The following HSD17B3 variants were observed in gnomAD, a reference collection of about 807,000 sequenced individuals.
HSD17B3 encodes 17-beta-hydroxysteroid dehydrogenase type 3.
A neutral mutation model predicts 41.1 loss-of-function variants in HSD17B3; 29 were observed. The observed-to-expected ratio is 0.71, with a 90% CI of 0.53 to 0.96. The LOEUF (loss-of-function observed/expected upper bound fraction) is 0.96. HSD17B3 is among the 40% of genes least tolerant of loss of function. The pLI is 0.00. For synonymous variants in HSD17B3, 126 were observed against 145.6 expected (o/e 0.87, Z 0.97); for missense variants, 323 against 374.6 (o/e 0.86, Z 1.14).
chr9:96,261,169 A>T (rs1185017649), intron 2 of HSD17B3, among the ~76,000 whole-genome samples: 3 of 151,778 alleles, frequency 2.0e-5, no homozygotes, highest in African/African-American at 7.3e-5. Flanking sequence ...TCTAATGAGC[A>T]GGAGATTGTT....
intron 5 of HSD17B3, chr9:96,250,419 C>T (rs796689308): frequency 2.8e-6 from 3 of 1,067,314 alleles, no homozygotes; most frequent in Non-Finnish European, 2.3e-6. Context: ...TGTGCAGCAG[C>T]GCCCAAGCAG....
intron 2 of HSD17B3, among the ~76,000 whole-genome samples, chr9:96,286,997 C>A (rs191859538): frequency 3.0e-4 from 46 of 152,264 alleles, no homozygotes; most frequent in African/African-American, 1.1e-3. Flanking sequence ...GCCCTGAATT[C>A]TTTCTTTGAT....
intron 2 of HSD17B3, among the ~76,000 whole-genome samples, chr9:96,296,237 A>AC (rs1827353702): frequency 6.8e-6 from 1 of 147,802 alleles, no homozygotes. Flanking sequence ...CAGAGCAAGA[A>AC]CCTGTCTCCA....
At chr9:96,272,249 G>A (rs1263473814) in intron 2 of HSD17B3, among the ~76,000 whole-genome samples, 1 of 149,846 alleles carries the variant, frequency 6.7e-6, no homozygotes, top group Non-Finnish European at 1.5e-5. Flanking sequence ...CGGACCTGTA[G>A]TCCCAGCTAC....
intron 2 of HSD17B3, among the ~76,000 whole-genome samples, chr9:96,271,777 A>G (rs1012663841): frequency 6.6e-6 from 1 of 152,130 alleles, no homozygotes; most frequent in African/African-American, 2.4e-5. Flanking sequence ...TCATCATACT[A>G]TCAACATCTA....
intron 5 of HSD17B3, chr9:96,251,181 T>G: frequency 1.7e-6 from 1 of 581,448 alleles, no homozygotes; most frequent in Non-Finnish European, 3.1e-6. Context: ...GACAGGTAAG[T>G]TTTGATGTGC....
At chr9:96,278,165 A>G (rs983881754) in intron 2 of HSD17B3, among the ~76,000 whole-genome samples, 3 of 152,194 alleles carry the variant, frequency 2.0e-5, no homozygotes, top group South Asian at 4.1e-4. Flanking sequence ...ACTAATAGAC[A>G]TAGTTAACAA....
chr9:96,251,518 G>A, intron 4 of HSD17B3, 33 bp from the exon 5 acceptor site: 1 of 1,584,632 alleles, frequency 6.3e-7, no homozygotes, highest in South Asian at 1.1e-5. Flanking sequence ...AAATGTGTCA[G>A]AAGATCAGGT....
intron 2 of HSD17B3, among the ~76,000 whole-genome samples, chr9:96,275,153 A>C (rs1192517370): frequency 1.3e-5 from 2 of 152,136 alleles, no homozygotes; most frequent in Admixed American, 1.3e-4. Context: ...CTTTAAATAG[A>C]GGAAAGATAA....
chr9:96,235,479 A>C lies in HSD17B3; in HGVS notation c.914T>G (p.Leu305Arg). ...GCCTGGCTACCTGACCTTGGTGTTG[A>C]GCTTCAGGTATGCCACATAGTGTGT... ...LLTHYVAYLKLNTKVR is the reference protein window; with the variant it reads ...LLTHYVAYLKRNTKVR The change falls in exon 11 of 11, where the codon CTC (leucine) becomes CGC (arginine). Residue 305 changes from leucine to arginine, a missense_variant. By Grantham distance (102) the Leu-to-Arg change is moderately radical. Coordinates refer to ENST00000375263, the MANE Select transcript of HSD17B3 (RefSeq NM_000197.2). 1 of 1,613,726 alleles carries C rather than the reference A, an allele frequency of 6.2e-7. No homozygotes were observed. Among genetic ancestry groups the C allele is most frequent in the South Asian group, 1.1e-5 (1 of 90,980 alleles).
chr9:96,237,900 C>T lies in HSD17B3; in HGVS notation c.823-2330G>A, dbSNP rs905971153. ...ATCCTAGCACTTTGGGAGGCCAAAG[C>T]GGGAGGATAGCTGGAGCCCAGGAGT... On this transcript the variant is annotated intron_variant, in intron 10 of 10. Transcript: ENST00000375263. 2.6e-5 allele frequency among the ~76,000 whole-genome samples: 4 copies of T among 152,118 alleles called. No homozygotes were observed. In the East Asian group the frequency reaches 7.7e-4, roughly 29 times the overall value.
chr9:96,301,763 C>A lies in HSD17B3; in HGVS notation c.154+188G>T, dbSNP rs866744336. Among the ~76,000 whole-genome samples the A allele has an allele frequency of 8.2e-4, 124 of 150,588 alleles. 1 individual carries two copies. The highest frequency in any genetic ancestry group is 9.3e-4 in the Non-Finnish European group (63 of 67,800). ...AGGTGTGGTGACAGGCGCCTATAAT[C>A]CCAGCTACTTGGGAGGCTGAGGCAG... On this transcript the variant is annotated intron_variant, in intron 1 of 10. Coordinates refer to ENST00000375263, the MANE Select transcript of HSD17B3 (RefSeq NM_000197.2).
chr9:96,266,406 G>A (rs1402300943), intron 2 of HSD17B3, among the ~76,000 whole-genome samples: 3 of 152,124 alleles, frequency 2.0e-5, no homozygotes, highest in Non-Finnish European at 4.4e-5. Flanking sequence ...CTGAGTAGCT[G>A]AAACTACAGG....
chr9:96,300,421 AT>A lies in HSD17B3; in HGVS notation c.154+1529del, dbSNP rs1344096075. Among the ~76,000 whole-genome samples, 10 of 129,304 alleles carry A rather than the reference AT, an allele frequency of 7.7e-5. 2 individuals carry two copies. The highest frequency in any genetic ancestry group is 1.0e-4 in the Non-Finnish European group (6 of 59,900). 84.8% of individuals were successfully genotyped at this position (129,304 alleles called of 152,430 possible). ...AATTTGAAATTAAGGTAAATTATGA[AT>A]TGTTTAATGCATGTCTCATGCCATA... On this transcript the variant is annotated intron_variant, in intron 1 of 10. Transcript: ENST00000375263.
chr9:96,244,327 A>T lies in HSD17B3; in HGVS notation c.672+2T>A, dbSNP rs765728673. Reference sequence around the variant, plus strand: ...CAAGGACTCCACAGCTGCCCACCTCACCTGGATGATGACTTCTTTTGCTTT... The same window carrying T: ...CAAGGACTCCACAGCTGCCCACCTCTCCTGGATGATGACTTCTTTTGCTTT... On this transcript the variant is annotated splice_donor_variant, in intron 9 of 10. Coordinates refer to ENST00000375263, the MANE Select transcript of HSD17B3 (RefSeq NM_000197.2). LOFTEE classifies it high-confidence loss of function. 1 of 1,613,994 alleles carries T rather than the reference A, an allele frequency of 6.2e-7. No homozygotes were observed. Among genetic ancestry groups the T allele is most frequent in the Non-Finnish European group, 8.5e-7 (1 of 1,179,904 alleles).
At chr9:96,244,502 A>C in intron 8 of HSD17B3, 108 bp from the exon 9 acceptor site, 1 of 999,886 alleles carries the variant, frequency 1.0e-6, no homozygotes, top group South Asian at 1.3e-5. Flanking sequence ...GCTAGACCTT[A>C]AAATAGAGTG....
chr9:96,281,511 A>T (rs956001356), intron 2 of HSD17B3, among the ~76,000 whole-genome samples: 1 of 152,164 alleles, frequency 6.6e-6, no homozygotes, highest in African/African-American at 2.4e-5. Flanking sequence ...GGAGGGTTAG[A>T]GTCCCTTCTA....
chr9:96,261,299 G>C (rs1825848575), intron 2 of HSD17B3, among the ~76,000 whole-genome samples: 1 of 152,162 alleles, frequency 6.6e-6, no homozygotes, highest in East Asian at 1.9e-4. Context: ...AGGTTCAAGG[G>C]ATTCTCCTGC....
At chr9:96,274,300 A>G (rs1826368908) in intron 2 of HSD17B3, among the ~76,000 whole-genome samples, 5 of 152,116 alleles carry the variant, frequency 3.3e-5, no homozygotes, top group Admixed American at 2.6e-4. Context: ...TTAGCTGGGC[A>G]TGGTGGTGCA....
Sources: allele counts gnomAD v4.1 joint callset (sites outside exome capture counted in the v4.1 genomes callset), GRCh38; gene constraint gnomAD v4.1.1; transcripts MANE v1.5; gene names NCBI Gene and HGNC (gene_info 2026-07-23, HGNC 2026-07-21).